The following WDFY3 variants were observed in gnomAD, a reference collection of about 807,000 sequenced individuals.
WDFY3 encodes WD repeat and FYVE domain-containing protein 3.
Under a neutral mutation model 409.6 loss-of-function variants are expected in WDFY3, and 66 were observed. The ratio of observed to expected loss-of-function variants is 0.16; its 90% CI spans 0.13 to 0.20. The LOEUF (loss-of-function observed/expected upper bound fraction) is 0.20. Among genes scored for constraint, WDFY3 ranks in the 10% least tolerant of loss-of-function variants. The probability of loss-of-function intolerance (pLI) is 1.00; values close to 1 mark genes in which losing one functional copy is unlikely to be tolerated. For missense variants in WDFY3, 3,031 were observed against 4,298.1 expected (o/e 0.71, Z 8.24); for synonymous variants, 1,521 against 1,537.1 (o/e 0.99, Z 0.25).
At chr4:84,683,819 G>C (rs1727831458) in intron 63 of WDFY3, 124 bp downstream of exon 63, 2 of 1,014,794 alleles carry the variant, frequency 2.0e-6, no homozygotes, top group East Asian at 5.2e-5. Context: ...GCCTGTCTGA[G>C]CTGGAGCGAG....
intron 1 of WDFY3, among the ~76,000 whole-genome samples, chr4:84,964,292 AC>A (rs1775322489): frequency 6.6e-6 from 1 of 152,156 alleles, no homozygotes; most frequent in South Asian, 2.1e-4. Flanking sequence ...ACACAGGGAG[AC>A]CCTCATCTCT....
At chr4:84,764,020 T>G (rs1485612912) in intron 32 of WDFY3, among the ~76,000 whole-genome samples, 6 of 152,220 alleles carry the variant, frequency 3.9e-5, no homozygotes, top group African/African-American at 1.4e-4. Context: ...CCTTACTTTA[T>G]ATTCATTAGG....
At position 84,765,850 on chromosome 4, in the gene WDFY3, C is replaced by G; in HGVS notation, c.5148G>C (p.Gln1716His). The change falls in exon 32 of 68, where the codon CAG becomes CAC. Residue 1716 changes from glutamine to histidine, a missense_variant. This residue lies in a region of WDFY3 where 342 missense variants were observed against 463.7 expected (regional missense o/e 0.74). Coordinates refer to ENST00000295888, the MANE Select transcript of WDFY3 (RefSeq NM_014991.6). Reference protein sequence around the residue: ...EGLSGGGWLEQTDSVLTNKIG... With the variant: ...EGLSGGGWLEHTDSVLTNKIG... Reference sequence around the variant, plus strand: ...TCTTATTAGTTAAGACAGAATCTGTCTGTTCAAGCCATCCTCCACCACTGA... The same window carrying G: ...TCTTATTAGTTAAGACAGAATCTGTGTGTTCAAGCCATCCTCCACCACTGA... 1 of 1,613,898 alleles carries G rather than the reference C, an allele frequency of 6.2e-7. No homozygotes were observed. Among genetic ancestry groups the G allele is most frequent in the South Asian group, 1.1e-5 (1 of 91,056 alleles).
chr4:84,761,111 CG>C (rs1553942469), intron 32 of WDFY3, among the ~76,000 whole-genome samples: 2 of 151,844 alleles, frequency 1.3e-5, no homozygotes, highest in Non-Finnish European at 2.9e-5. Context: ...TGTAGTTGAG[CG>C]GTTTTGAGTG....
chr4:84,832,031 GCTGC>G (rs1177927481), intron 7 of WDFY3, among the ~76,000 whole-genome samples: 2 of 152,096 alleles, frequency 1.3e-5, no homozygotes, highest in Non-Finnish European at 2.9e-5. Flanking sequence ...CAAAGAGATA[GCTGC>G]ACTGCCATGT....
At chr4:84,945,726 G>A (rs1265187180) in intron 1 of WDFY3, among the ~76,000 whole-genome samples, 4 of 152,290 alleles carry the variant, frequency 2.6e-5, no homozygotes, top group Non-Finnish European at 4.4e-5. Context: ...CACACTGGAT[G>A]TGGGAACGTG....
In WDFY3 at chr4:84,751,475, T is replaced by C; in HGVS notation, c.5973+8A>G. Reference sequence around the variant, plus strand: ...AAAAGAGATGTAAATGCGTTTCTTTTTCTTTACCTCCAACAAAAGATCAAT... The same window carrying C: ...AAAAGAGATGTAAATGCGTTTCTTTCTCTTTACCTCCAACAAAAGATCAAT... On this transcript the variant is annotated splice_region_variant and intron_variant, in intron 36 of 67. Transcript: ENST00000295888. 1 of 1,613,712 alleles carries C rather than the reference T, an allele frequency of 6.2e-7. No individual in the cohort carries two copies. Among genetic ancestry groups the C allele is most frequent in the Non-Finnish European group, 8.5e-7 (1 of 1,179,606 alleles).
intron 2 of WDFY3, among the ~76,000 whole-genome samples, chr4:84,901,549 C>T (rs886929397): frequency 4.6e-5 from 7 of 152,088 alleles, no homozygotes; most frequent in Admixed American, 3.3e-4. Flanking sequence ...TTCAAATTAC[C>T]CAGTTTCAGG....
At chr4:84,889,160 A>G (rs142588934) in intron 3 of WDFY3, among the ~76,000 whole-genome samples, 55 of 152,290 alleles carry the variant, frequency 3.6e-4, no homozygotes, top group Non-Finnish European at 6.3e-4. Flanking sequence ...ACTACTTTAA[A>G]AGCAATGTCT....
At position 84,834,819 on chromosome 4, in the gene WDFY3, C is replaced by T. The variant is rs1443961945; in HGVS notation, c.576+2110G>A. On this transcript the variant is annotated intron_variant, in intron 7 of 67. Transcript: ENST00000295888. Reference sequence around the variant, plus strand: ...ACCAAATGCTAAAGTCCCAGGAAACCGTCTGTCACATAATACAAACGTAGG... The same window carrying T: ...ACCAAATGCTAAAGTCCCAGGAAACTGTCTGTCACATAATACAAACGTAGG... Among the ~76,000 whole-genome samples the T allele has an allele frequency of 2.6e-5, 4 of 152,148 alleles. No homozygotes were observed. In the East Asian group the frequency reaches 5.8e-4, roughly 22 times the overall value.
At chr4:84,826,687 CA>C in intron 10 of WDFY3, 127 bp downstream of exon 10, 1 of 867,930 alleles carries the variant, frequency 1.2e-6, no homozygotes, top group South Asian at 5.2e-5. Flanking sequence ...AAAAAAAAAA[CA>C]AGCTTTAAGG....
At chr4:84,923,787 T>C (rs976186039) in intron 2 of WDFY3, among the ~76,000 whole-genome samples, 5 of 152,078 alleles carry the variant, frequency 3.3e-5, no homozygotes, top group Admixed American at 3.3e-4. Flanking sequence ...TCACCTGAGG[T>C]CAGGAGTTCA....
chr4:84,955,033 C>T (rs1774066393), intron 1 of WDFY3, among the ~76,000 whole-genome samples: 1 of 151,904 alleles, frequency 6.6e-6, no homozygotes, highest in Non-Finnish European at 1.5e-5. Context: ...GGCAAAACTC[C>T]GTCTTTGCAA....
chr4:84,773,313 A>G (rs75727165), intron 29 of WDFY3, among the ~76,000 whole-genome samples: 1 of 152,212 alleles, frequency 6.6e-6, no homozygotes, highest in Non-Finnish European at 1.5e-5. Flanking sequence ...GGGAAAATAC[A>G]GTTCTTCGAA....
chr4:84,880,812 G>A (rs1405567514), intron 3 of WDFY3, among the ~76,000 whole-genome samples: 1 of 145,892 alleles, frequency 6.9e-6, no homozygotes, highest in Non-Finnish European at 1.5e-5. Flanking sequence ...CTGCCTCCTG[G>A]GTTCAAGCAA....
At chr4:84,713,334 G>T in intron 50 of WDFY3, 95 bp from the exon 51 acceptor site, 1 of 1,165,686 alleles carries the variant, frequency 8.6e-7, no homozygotes, top group Non-Finnish European at 1.3e-6. Context: ...GATTTTCATA[G>T]TTGCGTCTAC....
At chr4:84,947,730 A>C (rs1208782193) in intron 1 of WDFY3, among the ~76,000 whole-genome samples, 4 of 147,986 alleles carry the variant, frequency 2.7e-5, no homozygotes, top group East Asian at 2.0e-4. Context: ...AAAAAAAAAA[A>C]CATTAGCCAG....
chr4:84,724,637 A>C (rs1295485008), intron 45 of WDFY3, 43 bp from the exon 46 acceptor site: 4 of 1,592,788 alleles, frequency 2.5e-6, no homozygotes, highest in Non-Finnish European at 8.5e-7. Context: ...ACTATCACCA[A>C]GAATTAAAAC....
intron 1 of WDFY3, among the ~76,000 whole-genome samples, chr4:84,959,102 T>G (rs574041245): frequency 9.2e-5 from 14 of 152,196 alleles, no homozygotes; most frequent in African/African-American, 3.4e-4. Flanking sequence ...CTCCCTGATA[T>G]AGCGCTATCA....
Sources: allele counts gnomAD v4.1 joint callset (sites outside exome capture counted in the v4.1 genomes callset), GRCh38; gene constraint gnomAD v4.1.1; regional missense constraint gnomAD v4.1.1; transcripts MANE v1.5; gene names NCBI Gene and HGNC (gene_info 2026-07-23, HGNC 2026-07-21).